Variants in GPC5 observed in about 807,000 individuals in gnomAD.
GPC5 encodes the protein glypican 5.
In GPC5, 47 loss-of-function variants were observed where a neutral mutation model predicts 53.9. The observed-to-expected ratio is 0.87, with a 90% CI of 0.69 to 1.11. The LOEUF is 1.11. Ranked by LOEUF, GPC5 falls within the 50% of genes most tolerant of loss-of-function variation. GPC5 has a pLI of 0.00. For missense variants in GPC5, 748 were observed against 713.1 expected, an observed-to-expected ratio of 1.05 and a Z score of -0.56; for synonymous variants, 286 against 263.3, an observed-to-expected ratio of 1.09 and a Z score of -0.84.
intron 7 of GPC5, among the ~76,000 whole-genome samples, chr13:92,503,892 T>C (rs1455580539): frequency 6.6e-6 from 1 of 151,930 alleles, no homozygotes; most frequent in Non-Finnish European, 1.5e-5. Context: ...AAAATCCTCT[T>C]GGCCAAGATT....
intron 7 of GPC5, among the ~76,000 whole-genome samples, chr13:92,331,017 T>C (rs750252072): frequency 2.0e-5 from 3 of 152,232 alleles, no homozygotes; most frequent in African/African-American, 7.2e-5. Context: ...TAATTTTTAC[T>C]GATCCCATCA....
intron 6 of GPC5, among the ~76,000 whole-genome samples, chr13:91,965,546 C>T (rs2139082636): frequency 6.6e-6 from 1 of 152,194 alleles, no homozygotes; most frequent in East Asian, 1.9e-4. Flanking sequence ...TCTTCAGATT[C>T]ATTTAAAGAA....
At chr13:91,549,143 C>T (rs961054394) in intron 2 of GPC5, among the ~76,000 whole-genome samples, 2 of 151,980 alleles carry the variant, frequency 1.3e-5, no homozygotes, top group African/African-American at 4.8e-5. Context: ...GTGGCAGGCT[C>T]CTGTAATCCC....
At chr13:91,823,753 G>A (rs2038532162) in intron 5 of GPC5, among the ~76,000 whole-genome samples, 2 of 152,036 alleles carry the variant, frequency 1.3e-5, no homozygotes, top group African/African-American at 4.8e-5. Flanking sequence ...AAGATCCAAT[G>A]TCATAATCAC....
At chr13:91,481,033 G>A (rs535372607) in intron 2 of GPC5, among the ~76,000 whole-genome samples, 6 of 151,978 alleles carry the variant, frequency 3.9e-5, no homozygotes, top group Admixed American at 6.6e-5. Context: ...CAAATGGGCC[G>A]TGGTGCATGA....
intron 2 of GPC5, among the ~76,000 whole-genome samples, chr13:91,567,940 G>A (rs1412183396): frequency 3.3e-5 from 5 of 152,166 alleles, no homozygotes; most frequent in Non-Finnish European, 7.4e-5. Flanking sequence ...GATAATGGGG[G>A]CAGTTTCTCC....
intron 2 of GPC5, among the ~76,000 whole-genome samples, chr13:91,457,887 C>G (rs1380105439): frequency 6.6e-6 from 1 of 152,100 alleles, no homozygotes; most frequent in Non-Finnish European, 1.5e-5. Context: ...TGTGCCAGCA[C>G]TGTTTAAAGT....
At chr13:91,493,159 A>G (rs1212115842) in intron 2 of GPC5, among the ~76,000 whole-genome samples, 1 of 152,248 alleles carries the variant, frequency 6.6e-6, no homozygotes, top group Non-Finnish European at 1.5e-5. Flanking sequence ...CCATGCCTGC[A>G]TAAGTGCAGC....
chr13:92,401,802 A>G (rs1327995663), intron 7 of GPC5, among the ~76,000 whole-genome samples: 1 of 152,136 alleles, frequency 6.6e-6, no homozygotes, highest in African/African-American at 2.4e-5. Flanking sequence ...GAGTCTATAC[A>G]CTAAAAAGAC....
chr13:92,382,575 T>A (rs975085960), intron 7 of GPC5, among the ~76,000 whole-genome samples: 28 of 151,448 alleles, frequency 1.8e-4, no homozygotes, highest in Non-Finnish European at 3.7e-4. Context: ...CTGAAGTTGT[T>A]CACACCAGAC....
intron 7 of GPC5, among the ~76,000 whole-genome samples, chr13:92,575,761 G>T (rs1159801167): frequency 1.3e-5 from 2 of 152,224 alleles, no homozygotes; most frequent in East Asian, 3.9e-4. Flanking sequence ...ACCGGTTTCA[G>T]TCTGCAATGA....
At chr13:92,158,608 T>C (rs2041962843) in intron 7 of GPC5, among the ~76,000 whole-genome samples, 1 of 152,128 alleles carries the variant, frequency 6.6e-6, no homozygotes, top group Non-Finnish European at 1.5e-5. Flanking sequence ...CCGCATTTAA[T>C]AAGACCCATT....
At position 91,908,073 on chromosome 13, in the gene GPC5, A is replaced by G. The variant is rs760506328; in HGVS notation, c.1401+16A>G. On this transcript the variant is annotated intron_variant, in intron 6 of 7. Coordinates refer to ENST00000377067, the MANE Select transcript of GPC5 (RefSeq NM_004466.6). The stretch of plus-strand genomic sequence containing the variant: ...TGTTGTTCAGGTAAGTCCTGATCCT[A>G]TATTTATTAGTATACTCAGTCATAA... The G allele has an allele frequency of 1.1e-5, 17 of 1,489,098 alleles. No individual in the cohort carries two copies. The South Asian group carries it at 2.0e-4, about 18-fold the overall frequency. The allele number at this position is 1,489,098 out of a possible 1,614,324, so 92.2% of individuals were successfully genotyped here. A position where few individuals can be genotyped will look rare whatever the true frequency, so the allele number is the denominator to read the frequency against.
intron 2 of GPC5, among the ~76,000 whole-genome samples, chr13:91,537,238 C>T (rs1258963038): frequency 6.6e-6 from 1 of 151,570 alleles, no homozygotes; most frequent in Admixed American, 6.6e-5. Flanking sequence ...AGAATAAAAT[C>T]AACAAAATCA....
At chr13:92,731,524 A>G (rs1007555228) in intron 7 of GPC5, among the ~76,000 whole-genome samples, 2 of 151,442 alleles carry the variant, frequency 1.3e-5, no homozygotes, top group African/African-American at 2.4e-5. Flanking sequence ...CGGTGAAGTA[A>G]TAGAAGTAAG....
In GPC5 at chr13:92,208,094, T is replaced by C. The variant is rs114574363; in HGVS notation, c.1561+63105T>C. Among the ~76,000 whole-genome samples, 812 of 152,330 alleles carry C rather than the reference T, an allele frequency of 5.3e-3. 5 individuals are homozygous for C. Among genetic ancestry groups the C allele is most frequent in the African/African-American group, 0.019 (779 of 41,572 alleles). ...GGAATAGGTCTGAATTCAGCCGTTC[T>C]CTGCATTCCTGCAGCCCCTGAGTGT... On this transcript the variant is annotated intron_variant, in intron 7 of 7. Coordinates refer to ENST00000377067, the MANE Select transcript of GPC5 (RefSeq NM_004466.6).
intron 2 of GPC5, among the ~76,000 whole-genome samples, chr13:91,459,135 A>G (rs1291471981): frequency 1.3e-5 from 2 of 151,914 alleles, no homozygotes; most frequent in East Asian, 3.9e-4. Flanking sequence ...GGGTGCACCA[A>G]AATTTCAGAA....
intron 7 of GPC5, among the ~76,000 whole-genome samples, chr13:92,497,874 C>T (rs900362548): frequency 6.6e-6 from 1 of 151,986 alleles, no homozygotes; most frequent in African/African-American, 2.4e-5. Context: ...GGAGTTCATT[C>T]ATGATTTGTC....
intron 6 of GPC5, among the ~76,000 whole-genome samples, chr13:91,918,186 C>T (rs1566341160): frequency 6.6e-6 from 1 of 152,066 alleles, no homozygotes; most frequent in Non-Finnish European, 1.5e-5. Context: ...ACTTTTAATG[C>T]CATCAGACCC....
Sources: allele counts gnomAD v4.1 joint callset (sites outside exome capture counted in the v4.1 genomes callset), GRCh38; gene constraint gnomAD v4.1.1; transcripts MANE v1.5; gene names NCBI Gene and HGNC (gene_info 2026-07-23, HGNC 2026-07-21).